Variants in NBAS observed in about 807,000 individuals in gnomAD.
NBAS encodes NAG/BC035112 fusion.
Under a neutral mutation model 302.5 loss-of-function variants are expected in NBAS, and 219 were observed. The observed-to-expected ratio is 0.72, with a 90% CI of 0.65 to 0.81. NBAS has a LOEUF of 0.81. Ranked by LOEUF, NBAS falls within the 30% of genes least tolerant of loss-of-function variation. The pLI, the probability that NBAS is intolerant of heterozygous loss-of-function variation, is 0.00. For missense variants in NBAS, 2,932 were observed against 2,841.6 expected (o/e 1.03, Z -0.72); for synonymous variants, 1,118 against 1,021.6 (o/e 1.09, Z -1.80).
the NBAS span, among the ~76,000 whole-genome samples, chr2:15,142,400 C>T: frequency 6.6e-6 from 1 of 152,196 alleles, no homozygotes; most frequent in Non-Finnish European, 1.5e-5. Flanking sequence ...GCTTGAAATG[C>T]TTCCCCAACA....
chr2:14,786,484 C>T, the NBAS span, among the ~76,000 whole-genome samples: 1 of 152,196 alleles, frequency 6.6e-6, no homozygotes, highest in Admixed American at 6.5e-5. Flanking sequence ...CCGCTACACA[C>T]TGCTTTGAAT....
chr2:15,393,621 G>GTATGTCTACACAAATGAAAGCA (rs750180427), intron 28 of NBAS: 7 of 467,932 alleles, frequency 1.5e-5, no homozygotes, highest in African/African-American at 2.0e-5. Flanking sequence ...AAATGAAAGC[G>GTATGTCTACACAAATGAAAGCA]TATGTCTACA....
the NBAS span, among the ~76,000 whole-genome samples, chr2:14,834,779 A>G: frequency 3.9e-5 from 6 of 152,208 alleles, no homozygotes; most frequent in East Asian, 5.8e-4. Context: ...AAGCCTACAC[A>G]GAAAGGTTAA....
At chr2:15,088,332 C>A in the NBAS span, among the ~76,000 whole-genome samples, 11 of 152,182 alleles carry the variant, frequency 7.2e-5, no homozygotes, top group Admixed American at 2.0e-4. Context: ...TTAGAAAAAT[C>A]AATCTGACAA....
intron 24 of NBAS, among the ~76,000 whole-genome samples, 198 bp from the exon 25 acceptor site, chr2:15,415,917 A>G (rs1182400112): frequency 1.3e-5 from 2 of 152,156 alleles, no homozygotes; most frequent in East Asian, 3.9e-4. Flanking sequence ...ATCACCTGCT[A>G]CTGGGGCTAG....
the NBAS span, among the ~76,000 whole-genome samples, chr2:14,797,470 G>A: frequency 5.9e-5 from 9 of 152,186 alleles, no homozygotes; most frequent in Non-Finnish European, 1.2e-4. Flanking sequence ...GGGACTGAAT[G>A]AGCTGTTAAC....
In NBAS at chr2:15,551,425, T is replaced by G. The variant is rs905800686; in HGVS notation, c.379+68A>C. 20 of 1,080,720 alleles carry G rather than the reference T, an allele frequency of 1.9e-5. No homozygotes were observed. The African/African-American group carries it at 3.1e-4, about 17-fold the overall frequency. 66.9% of individuals were successfully genotyped at this position (1,080,720 alleles called of 1,614,324 possible). On this transcript the variant is annotated intron_variant, in intron 6 of 51. Transcript: ENST00000281513. Reference sequence around the variant, plus strand: ...TAAATATTTAATATCTATTCTAACTTTTAAGAAACATTGGAAACCATTGCG... The same window carrying G: ...TAAATATTTAATATCTATTCTAACTGTTAAGAAACATTGGAAACCATTGCG...
chr2:15,404,344 T>C (rs1006387916), intron 25 of NBAS, among the ~76,000 whole-genome samples: 16 of 152,052 alleles, frequency 1.1e-4, no homozygotes, highest in African/African-American at 2.2e-4. Flanking sequence ...AACACTCATA[T>C]ATGGTAAGAA....
At chr2:15,424,522 A>G in intron 22 of NBAS, 54 bp from the exon 23 acceptor site, 1 of 1,595,894 alleles carries the variant, frequency 6.3e-7, no homozygotes, top group African/African-American at 1.3e-5. Flanking sequence ...GGAAAAACAT[A>G]TAATTTTGTG....
At chr2:14,807,025 A>AC in the NBAS span, among the ~76,000 whole-genome samples, 1 of 152,126 alleles carries the variant, frequency 6.6e-6, no homozygotes, top group African/African-American at 2.4e-5. Context: ...GCTTCTCTAC[A>AC]GAAAAAAAAC....
chr2:14,864,296 G>C, the NBAS span, among the ~76,000 whole-genome samples: 1 of 150,176 alleles, frequency 6.7e-6, no homozygotes, highest in Non-Finnish European at 1.5e-5. Context: ...ACTCCAGCCT[G>C]GGTGACAGAG....
At chr2:15,212,191 G>T (rs1666442975) in intron 48 of NBAS, among the ~76,000 whole-genome samples, 1 of 152,100 alleles carries the variant, frequency 6.6e-6, no homozygotes, top group Non-Finnish European at 1.5e-5. Flanking sequence ...GCCAGTACAG[G>T]CAATAAGACC....
At chr2:15,524,990 T>C (rs1417496938) in intron 9 of NBAS, among the ~76,000 whole-genome samples, 5 of 152,162 alleles carry the variant, frequency 3.3e-5, no homozygotes, top group African/African-American at 9.7e-5. Context: ...TAATTCCCTC[T>C]TGATCCTTAA....
intron 21 of NBAS, 44 bp from the exon 22 acceptor site, chr2:15,427,838 C>G (rs1390597516): frequency 6.9e-7 from 1 of 1,446,508 alleles, no homozygotes; most frequent in Non-Finnish European, 9.6e-7. Flanking sequence ...CACATTACCT[C>G]AATGACTTAG....
chr2:15,122,116 G>A, the NBAS span, among the ~76,000 whole-genome samples: 1 of 151,476 alleles, frequency 6.6e-6, no homozygotes, highest in Non-Finnish European at 1.5e-5. Flanking sequence ...TATGACGGAT[G>A]GAGGACTCCG....
At position 15,275,513 on chromosome 2, in the gene NBAS, C is replaced by CT; in HGVS notation, c.5694dup (p.Val1899SerfsTer17). 6.2e-7 allele frequency: 1 copy of CT among 1,614,136 alleles called. No individual in the cohort carries two copies. Among genetic ancestry groups the CT allele is most frequent in the East Asian group, 2.2e-5 (1 of 44,872 alleles). On this transcript the variant is annotated frameshift_variant, in exon 44 of 52. Transcript: ENST00000281513. LOFTEE classifies it high-confidence loss of function. ...GTCACAGCTTTTGGAGAAAATGTAA[C>CT]TGCATCTACCACAGTGATGAGGTCA...
chr2:15,446,781 T>C (rs1678768857), intron 21 of NBAS, among the ~76,000 whole-genome samples: 2 of 151,934 alleles, frequency 1.3e-5, no homozygotes, highest in Admixed American at 1.3e-4. Flanking sequence ...GGAAAAACAT[T>C]ATTTTAAGTT....
chr2:15,520,576 T>A (rs1046825156), intron 9 of NBAS, among the ~76,000 whole-genome samples: 1 of 151,896 alleles, frequency 6.6e-6, no homozygotes, highest in African/African-American at 2.4e-5. Flanking sequence ...GTGGGCCATA[T>A]GGTCTCGCAC....
the NBAS span, among the ~76,000 whole-genome samples, chr2:14,833,336 G>T: frequency 6.6e-6 from 1 of 151,994 alleles, no homozygotes; most frequent in Non-Finnish European, 1.5e-5. Flanking sequence ...AGTTACATGA[G>T]GTTATTCTGA....
Sources: gnomAD v4.1 joint callset for allele counts (sites outside exome capture counted in the v4.1 genomes callset) on GRCh38, gnomAD v4.1.1 for gene constraint, MANE v1.5 for transcripts, NCBI Gene and HGNC (gene_info 2026-07-23, HGNC 2026-07-21) for gene names.